Variants in UNC5D observed in about 807,000 individuals in gnomAD.
The protein encoded by UNC5D is unc-5 netrin receptor D, also known as netrin receptor UNC5D.
In UNC5D, 39 loss-of-function variants were observed where a neutral mutation model predicts 105.4. The ratio of observed to expected loss-of-function variants is 0.37; its 90% CI spans 0.29 to 0.48. UNC5D has a LOEUF of 0.48. UNC5D is among the 20% of genes least tolerant of loss of function. The pLI is 0.98. For synonymous variants in UNC5D, 452 were observed against 450.4 expected (o/e 1.00, Z -0.04); for missense variants, 991 against 1,202.4 (o/e 0.82, Z 2.60).
intron 1 of UNC5D, among the ~76,000 whole-genome samples, chr8:35,450,548 T>C (rs1031307173): frequency 6.6e-6 from 1 of 152,200 alleles, no homozygotes; most frequent in Non-Finnish European, 1.5e-5. Flanking sequence ...ACACAGGTAT[T>C]ATCGTTGCCT....
At chr8:35,412,327 T>G (rs1805228717) in intron 1 of UNC5D, among the ~76,000 whole-genome samples, 1 of 152,108 alleles carries the variant, frequency 6.6e-6, no homozygotes, top group Non-Finnish European at 1.5e-5. Flanking sequence ...GCTCTTCTGA[T>G]CTGATCTTAT....
At chr8:35,589,713 T>C (rs1819035619) in intron 3 of UNC5D, among the ~76,000 whole-genome samples, 1 of 152,212 alleles carries the variant, frequency 6.6e-6, no homozygotes, top group South Asian at 2.1e-4. Context: ...TCTATGGATT[T>C]ACCTCTTCTG....
chr8:35,732,570 T>A (rs1389493852), intron 11 of UNC5D, among the ~76,000 whole-genome samples: 1 of 152,266 alleles, frequency 6.6e-6, no homozygotes, highest in African/African-American at 2.4e-5. Flanking sequence ...ACCCATTAGG[T>A]TGATTTACTT....
At chr8:35,737,837 T>C (rs1425763082) in intron 11 of UNC5D, among the ~76,000 whole-genome samples, 1 of 152,196 alleles carries the variant, frequency 6.6e-6, no homozygotes, top group African/African-American at 2.4e-5. Context: ...CTGGGCTTGG[T>C]GTCTCACGCT....
At chr8:35,390,230 C>G (rs1210399969) in intron 1 of UNC5D, among the ~76,000 whole-genome samples, 3 of 152,150 alleles carry the variant, frequency 2.0e-5, no homozygotes, top group Non-Finnish European at 4.4e-5. Flanking sequence ...GTGAGAAAAC[C>G]AGCCCCATAA....
At chr8:35,302,772 A>G (rs1437543132) in intron 1 of UNC5D, among the ~76,000 whole-genome samples, 1 of 152,216 alleles carries the variant, frequency 6.6e-6, no homozygotes, top group Non-Finnish European at 1.5e-5. Flanking sequence ...TAAATATTGC[A>G]CAAGATAAGT....
At chr8:35,290,379 G>A (rs1422002329) in intron 1 of UNC5D, among the ~76,000 whole-genome samples, 1 of 151,996 alleles carries the variant, frequency 6.6e-6, no homozygotes, top group South Asian at 2.1e-4. Flanking sequence ...CTTATGCTAA[G>A]TGAAATAAGC....
At chr8:35,301,460 G>A (rs1807952462) in intron 1 of UNC5D, among the ~76,000 whole-genome samples, 1 of 152,170 alleles carries the variant, frequency 6.6e-6, no homozygotes, top group Admixed American at 6.5e-5. Flanking sequence ...GGTTTAAAGA[G>A]CTCCATCCAG....
intron 1 of UNC5D, among the ~76,000 whole-genome samples, chr8:35,463,124 T>G (rs1026642007): frequency 6.6e-6 from 1 of 152,170 alleles, no homozygotes; most frequent in African/African-American, 2.4e-5. Context: ...CAATTGGATT[T>G]GTGTCTGTTG....
At chr8:35,563,334 G>C (rs558995645) in intron 2 of UNC5D, among the ~76,000 whole-genome samples, 29 of 108,002 alleles carry the variant, frequency 2.7e-4, no homozygotes, top group African/African-American at 1.1e-3. Context: ...CTTTGGTTAA[G>C]TTCATTCCCA....
chr8:35,283,440 G>A (rs370635081), intron 1 of UNC5D, among the ~76,000 whole-genome samples: 4 of 152,160 alleles, frequency 2.6e-5, no homozygotes, highest in East Asian at 3.9e-4. Context: ...CTCAAATGTG[G>A]ATTGGAATCA....
At chr8:35,349,729 T>C (rs1409252447) in intron 1 of UNC5D, among the ~76,000 whole-genome samples, 1 of 152,016 alleles carries the variant, frequency 6.6e-6, no homozygotes, top group Non-Finnish European at 1.5e-5. Context: ...TGAGAGCTTT[T>C]TCTTAAGATT....
intron 7 of UNC5D, among the ~76,000 whole-genome samples, chr8:35,691,324 A>G: frequency 6.6e-6 from 1 of 152,146 alleles, no homozygotes; most frequent in East Asian, 1.9e-4. Context: ...TCTCTACAAA[A>G]GAAAAATGAA....
intron 1 of UNC5D, among the ~76,000 whole-genome samples, chr8:35,451,569 C>T (rs1808155196): frequency 6.6e-6 from 1 of 152,156 alleles, no homozygotes; most frequent in Middle Eastern, 3.2e-3. Context: ...GGTGGTTGAG[C>T]TAAGATTCCA....
intron 4 of UNC5D, among the ~76,000 whole-genome samples, chr8:35,637,859 T>C (rs1454049044): frequency 6.6e-6 from 1 of 152,162 alleles, no homozygotes; most frequent in African/African-American, 2.4e-5. Context: ...AACAGCTGTT[T>C]TTTGAAATGT....
At chr8:35,564,268 T>C (rs924340650) in intron 2 of UNC5D, among the ~76,000 whole-genome samples, 1 of 152,160 alleles carries the variant, frequency 6.6e-6, no homozygotes, top group African/African-American at 2.4e-5. Flanking sequence ...GTAAAATGCT[T>C]AAACACATTT....
At chr8:35,623,018 T>C (rs1821451541) in intron 4 of UNC5D, among the ~76,000 whole-genome samples, 1 of 152,194 alleles carries the variant, frequency 6.6e-6, no homozygotes, top group Non-Finnish European at 1.5e-5. Flanking sequence ...ACAACTTGAT[T>C]TTGTCATTGC....
chr8:35,591,925 A>G (rs1357670289), intron 3 of UNC5D, among the ~76,000 whole-genome samples: 1 of 152,230 alleles, frequency 6.6e-6, no homozygotes, highest in Non-Finnish European at 1.5e-5. Context: ...TAAATTGAGC[A>G]GAAGGGTATG....
intron 12 of UNC5D, among the ~76,000 whole-genome samples, chr8:35,750,130 C>A (rs1050420721): frequency 6.6e-6 from 1 of 152,086 alleles, no homozygotes; most frequent in Non-Finnish European, 1.5e-5. Flanking sequence ...CTGAACATAA[C>A]CATTTCTTGA....
Sources: gnomAD v4.1 joint callset for allele counts (sites outside exome capture counted in the v4.1 genomes callset) on GRCh38, gnomAD v4.1.1 for gene constraint, MANE v1.5 for transcripts, NCBI Gene and HGNC (gene_info 2026-07-23, HGNC 2026-07-21) for gene names.